PLCH1: variants seen among roughly 807,000 people sequenced by gnomAD.
PLCH1 encodes phospholipase C eta 1, also known as 1-phosphatidylinositol 4,5-bisphosphate phosphodiesterase eta-1.
In PLCH1, 60 loss-of-function variants were observed where a neutral mutation model predicts 126.7. The ratio of observed to expected loss-of-function variants is 0.47; its 90% confidence interval spans 0.38 to 0.59. The LOEUF is 0.59. Among genes scored for constraint, PLCH1 ranks in the 20% least tolerant of loss-of-function variants. The pLI is 0.00. For synonymous variants in PLCH1, 719 were observed against 734.9 expected (o/e 0.98, Z 0.35); for missense variants, 1,723 against 2,040.0 (o/e 0.84, Z 2.99).
At chr3:155,475,336 G>T (rs1193577799), downstream of PLCH1, among the ~76,000 whole-genome samples, 2 of 151,984 alleles carry the variant, frequency 1.3e-5, no homozygotes, top group Non-Finnish European at 2.9e-5. Flanking sequence ...TCAGAGGGAA[G>T]TCTAGAGCTA....
chr3:155,518,397 C>T (rs1720635355), intron 11 of PLCH1, among the ~76,000 whole-genome samples: 1 of 152,136 alleles, frequency 6.6e-6, no homozygotes, highest in African/African-American at 2.4e-5. Context: ...AACACACAGG[C>T]CTATGAAAAT....
At chr3:155,723,632 T>C (rs1748111786) in intron 1 of PLCH1, among the ~76,000 whole-genome samples, 1 of 152,164 alleles carries the variant, frequency 6.6e-6, no homozygotes, top group Non-Finnish European at 1.5e-5. Flanking sequence ...GGTTGTGTCA[T>C]TATTATCATT....
At chr3:155,621,472 G>T (rs4618256) in intron 2 of PLCH1, among the ~76,000 whole-genome samples, 1 of 151,928 alleles carries the variant, frequency 6.6e-6, no homozygotes, top group African/African-American at 2.4e-5. Flanking sequence ...CCAAGCTAAA[G>T]GAGCATGTTC....
intron 8 of PLCH1, among the ~76,000 whole-genome samples, chr3:155,562,539 T>C (rs1302853305): frequency 6.6e-6 from 1 of 152,166 alleles, no homozygotes; most frequent in Non-Finnish European, 1.5e-5. Context: ...ACTACTTCTC[T>C]AAGCAGATGA....
intron 1 of PLCH1, chr3:155,743,680 A>C (rs79519087): frequency 0.031 from 11,527 of 374,506 alleles, 1,256 homozygotes; most frequent in African/African-American, 0.23. Context: ...CTTCTGGGAA[A>C]TCCTTTGTTT....
intron 2 of PLCH1, among the ~76,000 whole-genome samples, chr3:155,675,667 C>T (rs1450701369): frequency 6.6e-6 from 1 of 152,104 alleles, no homozygotes; most frequent in African/African-American, 2.4e-5. Flanking sequence ...TCATAAATGT[C>T]AGACAAATGA....
chr3:155,583,914 T>TAAA (rs546555378), intron 5 of PLCH1, among the ~76,000 whole-genome samples: 7 of 136,578 alleles, frequency 5.1e-5, no homozygotes, highest in African/African-American at 5.3e-5. Context: ...AAAGAAACCT[T>TAAA]AAAAAAAAAA....
At position 155,603,205 on chromosome 3, in the gene PLCH1, T is replaced by C. The variant is rs553864978; in HGVS notation, c.80-6827A>G. On this transcript the variant is annotated intron_variant, in intron 2 of 22. Transcript: ENST00000460012. Reference sequence around the variant, plus strand: ...ACAATCTTTTTAGTAAAAAGGTACATAAAAAATGTGAACTGATTTCCTGCC... The same window carrying C: ...ACAATCTTTTTAGTAAAAAGGTACACAAAAAATGTGAACTGATTTCCTGCC... Among the ~76,000 whole-genome samples, 20 of 152,268 alleles carry C rather than the reference T, an allele frequency of 1.3e-4. 1 individual carries two copies. Among genetic ancestry groups the C allele is most frequent in the African/African-American group, 4.6e-4 (19 of 41,556 alleles).
chr3:155,585,062 A>G (rs1233282280), intron 5 of PLCH1, among the ~76,000 whole-genome samples: 1 of 152,154 alleles, frequency 6.6e-6, no homozygotes, highest in African/African-American at 2.4e-5. Flanking sequence ...GGTTCCCTAT[A>G]CAGCAAATCT....
intron 21 of PLCH1, among the ~76,000 whole-genome samples, chr3:155,467,738 A>G (rs1712985977): frequency 6.6e-6 from 1 of 152,242 alleles, no homozygotes; most frequent in Non-Finnish European, 1.5e-5. Flanking sequence ...ACCCTAAAAT[A>G]GTATAACTGG....
At chr3:155,712,150 C>T (rs1747167642) in intron 1 of PLCH1, among the ~76,000 whole-genome samples, 1 of 152,138 alleles carries the variant, frequency 6.6e-6, no homozygotes, top group African/African-American at 2.4e-5. Context: ...TAAAGAGGAC[C>T]CATCTGGCCA....
At chr3:155,531,093 T>TC (rs60494471) in intron 10 of PLCH1, among the ~76,000 whole-genome samples, 139,226 of 152,234 alleles carry the variant, frequency 0.91, 64,300 homozygotes, top group Middle Eastern at 0.98. Context: ...TGTGCTGTCA[T>TC]CAGGCTTTGT....
chr3:155,676,490 A>C lies in PLCH1; in HGVS notation c.79+27656T>G, dbSNP rs895221753. ...CTCCTCACCTTCAGAGGTCATTGAG[A>C]AACACTGATTACCGTGGGAGTGACG... On this transcript the variant is annotated intron_variant, in intron 2 of 22. Transcript: ENST00000460012. The C allele has an allele frequency of 2.1e-5, 14 of 655,736 alleles. No homozygotes were observed. The African/African-American group carries it at 2.7e-4, about 13-fold the overall frequency. The allele number at this position is 655,736 out of a possible 1,614,324, so 40.6% of individuals were successfully genotyped here.
intron 10 of PLCH1, among the ~76,000 whole-genome samples, chr3:155,540,248 A>G (rs1030797379): frequency 6.6e-6 from 1 of 152,228 alleles, no homozygotes; most frequent in Non-Finnish European, 1.5e-5. Flanking sequence ...CTCAAGATGG[A>G]TCTGAGACTT....
chr3:155,524,512 T>C (rs78589969), intron 10 of PLCH1, among the ~76,000 whole-genome samples: 1 of 152,186 alleles, frequency 6.6e-6, no homozygotes, highest in Admixed American at 6.5e-5. Context: ...AAATCATTTT[T>C]GAAAAGTAAA....
rs192644568 is a variant in PLCH1, at chr3:155,712,835, G to A, written c.-40-8571C>T. Among the ~76,000 whole-genome samples the A allele has an allele frequency of 3.4e-3, 512 of 150,198 alleles. 3 individuals carry two copies. The highest frequency in any genetic ancestry group is 7.7e-3 in the Admixed American group (116 of 15,052). On this transcript the variant is annotated intron_variant, in intron 1 of 22. Transcript: ENST00000460012. ...ATTTGTCTATTACACCCTGACTGCC[G>A]TCTCCACCTCTTTCTCTCTACTTTA...
At chr3:155,561,288 C>A (rs1727569613) in intron 8 of PLCH1, among the ~76,000 whole-genome samples, 2 of 133,224 alleles carry the variant, frequency 1.5e-5, no homozygotes, top group Admixed American at 7.8e-5. Context: ...CCCCCCTCCC[C>A]CCACCCCACA....
intron 2 of PLCH1, among the ~76,000 whole-genome samples, chr3:155,627,630 C>A (rs575508926): frequency 7.6e-6 from 1 of 131,082 alleles, no homozygotes; most frequent in Non-Finnish European, 1.6e-5. Flanking sequence ...CAAGACTCCA[C>A]CTCAAAAAAA....
intron 2 of PLCH1, among the ~76,000 whole-genome samples, chr3:155,603,112 C>T (rs1023134047): frequency 1.3e-5 from 2 of 151,836 alleles, no homozygotes; most frequent in Non-Finnish European, 2.9e-5. Flanking sequence ...GGACACTGAT[C>T]ATTGAACTGT....
Sources: allele counts gnomAD v4.1 joint callset (sites outside exome capture counted in the v4.1 genomes callset), GRCh38; gene constraint gnomAD v4.1.1; transcripts MANE v1.5; gene names NCBI Gene and HGNC (gene_info 2026-07-23, HGNC 2026-07-21).